FAM227A: variants seen among roughly 807,000 people sequenced by gnomAD.
FAM227A encodes protein FAM227A.
In FAM227A, 80 loss-of-function variants were observed where a neutral mutation model predicts 74.7. The observed-to-expected ratio is 1.07, with a 90% CI of 0.89 to 1.29. The LOEUF (loss-of-function observed/expected upper bound fraction) is 1.29. Ranked by LOEUF, FAM227A falls within the 50% of genes most tolerant of loss-of-function variation. The pLI is 0.00. For missense variants in FAM227A, 654 were observed against 683.4 expected (o/e 0.96, Z 0.48); for synonymous variants, 237 against 241.8 (o/e 0.98, Z 0.19).
At chr22:38,621,777 C>T (rs1014902014) in intron 10 of FAM227A, among the ~76,000 whole-genome samples, 1 of 152,142 alleles carries the variant, frequency 6.6e-6, no homozygotes, top group Non-Finnish European at 1.5e-5. Flanking sequence ...ACTGCAGAGT[C>T]GGAGTCAGTT....
chr22:38,645,406 T>C (rs931668896), intron 3 of FAM227A, among the ~76,000 whole-genome samples, 157 bp downstream of exon 3: 1 of 152,014 alleles, frequency 6.6e-6, no homozygotes, highest in African/African-American at 2.4e-5. Flanking sequence ...AAATAAAAAA[T>C]GTTTATTAAT....
At chr22:38,619,992 C>T (rs888007276) in intron 11 of FAM227A, among the ~76,000 whole-genome samples, 5 of 152,168 alleles carry the variant, frequency 3.3e-5, no homozygotes, top group Non-Finnish European at 7.4e-5. Context: ...TCTTCTCAAT[C>T]GCTGCATTTC....
intron 8 of FAM227A, among the ~76,000 whole-genome samples, chr22:38,626,755 T>C (rs1168075312): frequency 6.8e-6 from 1 of 147,208 alleles, no homozygotes; most frequent in African/African-American, 2.5e-5. Flanking sequence ...ATGCCTGTAA[T>C]CCCATTTACC....
At chr22:38,601,911 T>C (rs1178616498) in intron 13 of FAM227A, among the ~76,000 whole-genome samples, 3 of 151,900 alleles carry the variant, frequency 2.0e-5, no homozygotes, top group African/African-American at 4.8e-5. Flanking sequence ...GAGATGCTAA[T>C]AGACAGCCAG....
chr22:38,579,360 CAAGAGAAAGGGCA>C lies in FAM227A; in HGVS notation c.*6752_*6764del, dbSNP rs894116350. On this transcript the variant is annotated 3_prime_UTR_variant, in exon 17 of 17. Transcript: ENST00000535113. ...CTGTGTGGAGAACTGATTGGAGGGG[CAAGAGAAAGGGCA>C]AAGAGAATGCTAGGAGAATATTGTA... 6.6e-6 allele frequency: 1 copy of C among 151,938 alleles called. No individual in the cohort carries two copies. Among genetic ancestry groups the C allele is most frequent in the African/African-American group, 2.4e-5 (1 of 41,342 alleles). 9.4% of individuals were successfully genotyped at this position (151,938 alleles called of 1,614,324 possible). A position where few individuals can be genotyped will look rare whatever the true frequency, so the allele number is the denominator to read the frequency against.
Position 38,638,751 on chromosome 22 carries a change from T to C in FAM227A, c.367A>G (p.Lys123Glu), listed in dbSNP as rs776588220. ...ELRHARSSVIKRKTADKNLLA... is the reference protein window; with the variant it reads ...ELRHARSSVIERKTADKNLLA... ...CACAGCAGTAGATCCCTTACCCTTTTTATAACAGAAGATCTGGCATGTCTG... is the reference window on the plus strand; with the variant it reads ...CACAGCAGTAGATCCCTTACCCTTTCTATAACAGAAGATCTGGCATGTCTG... Residue 123 changes from lysine (K) to glutamate (E), a missense_variant, in exon 5 of 17, where the codon AAA (lysine) becomes GAA (glutamate). By Grantham distance (56) the Lys-to-Glu change is moderately conservative (BLOSUM62 1). Coordinates refer to ENST00000535113, the MANE Select transcript of FAM227A (RefSeq NM_001013647.2). 1.8e-5 allele frequency: 28 copies of C among 1,549,288 alleles called. No homozygotes were observed. The African/African-American group carries it at 3.4e-4, about 19-fold the overall frequency.
In FAM227A at chr22:38,583,171, C is replaced by CTTTT. The variant is rs34386912; in HGVS notation, c.*2950_*2953dup. The stretch of plus-strand genomic sequence containing the variant: ...CACGTTCTGGTTTCAGAAGACTATA[C>CTTTT]TTTTTTTTTTTTTTTTTTGAGATGG... On this transcript the variant is annotated 3_prime_UTR_variant, in exon 17 of 17. Coordinates refer to ENST00000535113, the MANE Select transcript of FAM227A (RefSeq NM_001013647.2). 113 of 244,606 alleles carry CTTTT rather than the reference C, an allele frequency of 4.6e-4. No homozygotes were observed. The highest frequency in any genetic ancestry group is 1.4e-3 in the Middle Eastern group (1 of 720). 15.2% of individuals were successfully genotyped at this position (244,606 alleles called of 1,614,324 possible).
At position 38,620,218 on chromosome 22, in the gene FAM227A, G is replaced by A. The variant is rs776819048; in HGVS notation, c.1032C>T (p.His344=). 2.5e-5 allele frequency: 38 copies of A among 1,550,736 alleles called. No individual in the cohort carries two copies. Among genetic ancestry groups the A allele is most frequent in the East Asian group, 7.3e-5 (3 of 40,918 alleles). Residue 344 remains histidine (H), a synonymous_variant, in exon 11 of 17, where the codon CAC becomes CAT. Transcript: ENST00000535113. ...TCCGTGCCTCCCCACTTACCTGAGG[G>A]TGGTAGAATTTCCTGCTCTGGGCTG... ...QKPAQSRKFY[H]PQSSSANSPS...
intron 2 of FAM227A, among the ~76,000 whole-genome samples, chr22:38,645,927 G>A (rs2092227800): frequency 6.6e-6 from 1 of 151,872 alleles, no homozygotes; most frequent in African/African-American, 2.4e-5. Context: ...GGGACTACTG[G>A]CGCACACCAC....
At chr22:38,620,348 T>A in intron 10 of FAM227A, 57 bp from the exon 11 acceptor site, 1 of 1,384,268 alleles carries the variant, frequency 7.2e-7, no homozygotes, top group Non-Finnish European at 1.0e-6. Flanking sequence ...ATGAAGATTG[T>A]AGCCCAGGAG....
At chr22:38,651,527 A>T (rs1481975190) in intron 1 of FAM227A, among the ~76,000 whole-genome samples, 1 of 151,792 alleles carries the variant, frequency 6.6e-6, no homozygotes, top group African/African-American at 2.4e-5. Context: ...ACAACTGCCT[A>T]ATTTTTGTAT....
intron 3 of FAM227A, among the ~76,000 whole-genome samples, chr22:38,640,531 G>A (rs1416848480): frequency 1.3e-5 from 2 of 152,112 alleles, no homozygotes; most frequent in Non-Finnish European, 2.9e-5. Flanking sequence ...ACAGAAAAAT[G>A]AATGCTAGTG....
At chr22:38,641,563 A>C (rs77604406) in intron 3 of FAM227A, among the ~76,000 whole-genome samples, 4 of 149,018 alleles carry the variant, frequency 2.7e-5, no homozygotes, top group Admixed American at 6.6e-5. Context: ...AAAAAAAAAA[A>C]AAAAACAAAA....
In FAM227A at chr22:38,652,737, C is replaced by A. The variant is rs1364872279; in HGVS notation, c.-94-2475G>T. Among the ~76,000 whole-genome samples, 7 of 150,790 alleles carry A rather than the reference C, an allele frequency of 4.6e-5. 1 individual carries two copies. In the South Asian group the frequency reaches 1.5e-3, roughly 32 times the overall value. The stretch of plus-strand genomic sequence containing the variant: ...CCGTCTCTACTAAAAATTAGCCTGG[C>A]GTGGTGGCGGGCTCCTGTAGTCCCA... On this transcript the variant is annotated intron_variant, in intron 1 of 16. Transcript: ENST00000535113.
At chr22:38,639,859 T>C in intron 3 of FAM227A, 135 bp from the exon 4 acceptor site, 1 of 677,576 alleles carries the variant, frequency 1.5e-6, no homozygotes, top group Non-Finnish European at 2.6e-6. Context: ...TGCCTTGTCT[T>C]TCCAGGTGGT....
intron 3 of FAM227A, among the ~76,000 whole-genome samples, chr22:38,640,673 G>A (rs564270563): frequency 2.6e-5 from 4 of 152,288 alleles, no homozygotes; most frequent in South Asian, 2.1e-4. Flanking sequence ...ATCAGCACTC[G>A]TGGAACAATT....
intron 8 of FAM227A, among the ~76,000 whole-genome samples, chr22:38,627,190 A>G (rs1430504598): frequency 1.3e-5 from 2 of 151,944 alleles, no homozygotes; most frequent in East Asian, 3.9e-4. Context: ...ACATACATAT[A>G]TACCTATATA....
At chr22:38,609,000 C>A (rs1427628143) in intron 11 of FAM227A, among the ~76,000 whole-genome samples, 1 of 151,500 alleles carries the variant, frequency 6.6e-6, no homozygotes, top group Admixed American at 6.6e-5. Context: ...ACCATGTTGG[C>A]CAGGCTGGTC....
In FAM227A at chr22:38,599,856, A is replaced by AAAGTAT. The variant is rs1569194668; in HGVS notation, c.1286_1287insATACTT (p.Pro429_Leu430insTyrPhe). On this transcript the variant is annotated inframe_insertion, in exon 14 of 17. Coordinates refer to ENST00000535113, the MANE Select transcript of FAM227A (RefSeq NM_001013647.2). Reference sequence around the variant, plus strand: ...AGTTCTGGAGAAAGTACACAATCAGAGGGCTCTTCCCATAAATGTTGAAGA... The same window carrying AAAGTAT: ...AGTTCTGGAGAAAGTACACAATCAGAAAGTATGGGCTCTTCCCATAAATGTTGAAGA... 6.4e-7 allele frequency: 1 copy of AAAGTAT among 1,551,620 alleles called. No individual in the cohort carries two copies. Among genetic ancestry groups the AAAGTAT allele is most frequent in the Non-Finnish European group, 8.7e-7 (1 of 1,146,960 alleles).
Sources: gnomAD v4.1 joint callset for allele counts (sites outside exome capture counted in the v4.1 genomes callset) on GRCh38, gnomAD v4.1.1 for gene constraint, MANE v1.5 for transcripts, NCBI Gene and HGNC (gene_info 2026-07-23, HGNC 2026-07-21) for gene names.